CRB1: variants seen among roughly 807,000 people sequenced by gnomAD.
CRB1 encodes crumbs cell polarity complex component 1.
In CRB1, 83 loss-of-function variants were observed where a neutral mutation model predicts 120.0. That is an observed-to-expected ratio of 0.69 (90% CI 0.58 to 0.83). The LOEUF (loss-of-function observed/expected upper bound fraction) is 0.83. Among genes scored for constraint, CRB1 ranks in the 40% least tolerant of loss-of-function variants. The pLI is 0.00. For synonymous variants in CRB1, 625 were observed against 612.5 expected, an observed-to-expected ratio of 1.02 and a Z score of -0.30; for missense variants, 1,699 against 1,687.6, an observed-to-expected ratio of 1.01 and a Z score of -0.12.
intron 5 of CRB1, among the ~76,000 whole-genome samples, chr1:197,401,803 G>GTT: frequency 6.6e-6 from 1 of 152,050 alleles, no homozygotes; most frequent in Admixed American, 6.5e-5. Flanking sequence ...ATCTCTTTCT[G>GTT]TTATCTACAA....
intron 2 of CRB1, 23 bp downstream of exon 2, chr1:197,329,026 C>G: frequency 6.3e-7 from 1 of 1,577,832 alleles, no homozygotes; most frequent in Non-Finnish European, 8.7e-7. Flanking sequence ...ATATCTGAAT[C>G]ACAGATGGTG....
At chr1:197,228,750 C>T in the CRB1 span, among the ~76,000 whole-genome samples, 157 of 152,198 alleles carry the variant, frequency 1.0e-3, 2 homozygotes, top group East Asian at 0.022. Context: ...TGTATTAGTT[C>T]GTTTTCATGC....
rs1416459017 is a variant in CRB1 at position 197,435,468 on chromosome 1, G to A, written c.3605G>A (p.Cys1202Tyr). The A allele has an allele frequency of 1.9e-6, 3 of 1,599,142 alleles. No individual in the cohort carries two copies. The highest frequency in any genetic ancestry group is 2.6e-6 in the Non-Finnish European group (3 of 1,172,196). ...AGAGTTGCAGCCTACCACTGCACATGTGAGCCTGGATACACTGGTGTGAAC... is the reference window on the plus strand; with the variant it reads ...AGAGTTGCAGCCTACCACTGCACATATGAGCCTGGATACACTGGTGTGAAC... ...SDRVAAYHCT[C>Y]EPGYTGVNCE... Residue 1202 changes from cysteine (C) to tyrosine (Y), a missense_variant, in exon 9 of 12, where the codon TGT becomes TAT. Coordinates refer to ENST00000367400, the MANE Select transcript of CRB1 (RefSeq NM_201253.3).
At chr1:197,453,761 C>CTCTTCT (rs1017646064) in intron 11 of CRB1, among the ~76,000 whole-genome samples, 2 of 143,766 alleles carry the variant, frequency 1.4e-5, no homozygotes, top group Non-Finnish European at 3.0e-5. Context: ...CTTCTACTTC[C>CTCTTCT]TCTTCTTCTT....
chr1:197,224,348 C>T, the CRB1 span, among the ~76,000 whole-genome samples: 2 of 152,090 alleles, frequency 1.3e-5, no homozygotes, highest in African/African-American at 4.8e-5. Flanking sequence ...TATATTACAG[C>T]TGCAATGCAG....
At chr1:197,248,511 A>G in the CRB1 span, among the ~76,000 whole-genome samples, 2 of 152,062 alleles carry the variant, frequency 1.3e-5, no homozygotes, top group Non-Finnish European at 2.9e-5. Flanking sequence ...ATACATTTAC[A>G]GAAAAACAAC....
chr1:197,275,690 G>A (rs1655163875), intron 1 of CRB1, among the ~76,000 whole-genome samples: 1 of 151,908 alleles, frequency 6.6e-6, no homozygotes, highest in Non-Finnish European at 1.5e-5. Context: ...GTGTAAACAT[G>A]CCTCCATATT....
At chr1:197,317,134 C>A (rs1657900667) in intron 1 of CRB1, among the ~76,000 whole-genome samples, 1 of 152,018 alleles carries the variant, frequency 6.6e-6, no homozygotes, top group Non-Finnish European at 1.5e-5. Flanking sequence ...ATAGCAATGA[C>A]AGGTGGGGCA....
chr1:197,207,998 T>A, the CRB1 span, among the ~76,000 whole-genome samples: 1 of 152,152 alleles, frequency 6.6e-6, no homozygotes, highest in Non-Finnish European at 1.5e-5. Flanking sequence ...CTTCTACCTG[T>A]TCAATTCTAT....
At chr1:197,399,132 C>A (rs1019747907) in intron 5 of CRB1, among the ~76,000 whole-genome samples, 2 of 152,202 alleles carry the variant, frequency 1.3e-5, no homozygotes, top group East Asian at 1.9e-4. Flanking sequence ...TTGAGGAAAT[C>A]TTCCTTGATT....
At chr1:197,376,527 A>G (rs1431167817) in intron 5 of CRB1, among the ~76,000 whole-genome samples, 1 of 152,160 alleles carries the variant, frequency 6.6e-6, no homozygotes, top group African/African-American at 2.4e-5. Flanking sequence ...TCAAAGCCGT[A>G]TTTGGTTTCT....
At chr1:197,422,267 A>G (rs1312069244) in intron 6 of CRB1, among the ~76,000 whole-genome samples, 2 of 152,152 alleles carry the variant, frequency 1.3e-5, no homozygotes, top group Non-Finnish European at 2.9e-5. Context: ...TTGGTCACAT[A>G]TCAGAAATTT....
At chr1:197,391,073 T>C (rs1662482639) in intron 5 of CRB1, among the ~76,000 whole-genome samples, 1 of 152,000 alleles carries the variant, frequency 6.6e-6, no homozygotes, top group African/African-American at 2.4e-5. Flanking sequence ...TACATGCCAA[T>C]TGTAATTAGA....
chr1:197,361,277 T>G (rs1000057028), intron 5 of CRB1, among the ~76,000 whole-genome samples: 8 of 152,022 alleles, frequency 5.3e-5, no homozygotes, highest in Non-Finnish European at 1.0e-4. Flanking sequence ...TGGAAAATGT[T>G]TCTTAATTTT....
At chr1:197,267,791 T>C (rs759999396), upstream of CRB1, among the ~76,000 whole-genome samples, 11 of 152,122 alleles carry the variant, frequency 7.2e-5, no homozygotes, top group Non-Finnish European at 1.5e-4. Flanking sequence ...TAAAATGAGC[T>C]CTGGACTTAC....
chr1:197,355,388 TGCGCTGGCACTCCTCAGCCCTTGG>T (rs1660409674), intron 4 of CRB1, among the ~76,000 whole-genome samples: 1 of 152,190 alleles, frequency 6.6e-6, no homozygotes, highest in Non-Finnish European at 1.5e-5. Context: ...TCCCGCGCAG[TGCGCTGGCACTCCTCAGCCCTTGG>T]GCGGTTGATG....
rs1030214290 is a variant in CRB1, at chr1:197,435,148, G to C, written c.3285G>C (p.Gly1095=). The change falls in exon 9 of 12, where the codon GGG becomes GGC. Residue 1095 remains glycine, a synonymous_variant. Coordinates refer to ENST00000367400, the MANE Select transcript of CRB1 (RefSeq NM_201253.3). ...TTGACAATATAAAGGGCCTGCAAGG[G>C]TGTCTAAGTACAATAGAAATCGGAG... ...RAIDNIKGLQ[G]CLSTIEIGGI... is the part of the protein sequence containing the mutation. 3 of 1,613,780 alleles carry C rather than the reference G, an allele frequency of 1.9e-6. No individual in the cohort carries two copies. The highest frequency in any genetic ancestry group is 2.7e-5 in the African/African-American group (2 of 74,902).
chr1:197,223,735 C>T, the CRB1 span, among the ~76,000 whole-genome samples: 5 of 152,218 alleles, frequency 3.3e-5, no homozygotes, highest in African/African-American at 9.6e-5. Context: ...TTTTTAACTT[C>T]GAATAGCCCT....
intron 8 of CRB1, 114 bp from the exon 9 acceptor site, chr1:197,434,592 T>C (rs971854855): frequency 2.1e-6 from 2 of 953,162 alleles, no homozygotes; most frequent in South Asian, 2.9e-5. Flanking sequence ...GTAACATGTA[T>C]CAAATAGTCA....
Sources: gnomAD v4.1 joint callset for allele counts (sites outside exome capture counted in the v4.1 genomes callset) on GRCh38, gnomAD v4.1.1 for gene constraint, MANE v1.5 for transcripts, NCBI Gene and HGNC (gene_info 2026-07-23, HGNC 2026-07-21) for gene names.